The following PLPP1 variants were observed in gnomAD, a reference collection of about 807,000 sequenced individuals.
PLPP1 encodes lipid phosphate phosphohydrolase 1a.
Under a neutral mutation model 31.2 loss-of-function variants are expected in PLPP1, and 24 were observed. The ratio of observed to expected loss-of-function variants is 0.77; its 90% CI spans 0.56 to 1.08. The LOEUF is 1.08. Among genes scored for constraint, PLPP1 ranks in the 50% least tolerant of loss-of-function variants. The pLI is 0.00. For synonymous variants in PLPP1, 146 were observed against 126.3 expected (o/e 1.16, Z -1.05); for missense variants, 319 against 342.7 (o/e 0.93, Z 0.55).
intron 1 of PLPP1, among the ~76,000 whole-genome samples, chr5:55,523,780 G>C (rs978628928): frequency 6.6e-6 from 1 of 151,962 alleles, no homozygotes; most frequent in African/African-American, 2.4e-5. Flanking sequence ...CCTATGCTTG[G>C]AATTTTCCCC....
intron 5 of PLPP1, 93 bp downstream of exon 5, chr5:55,425,770 C>T: frequency 9.0e-6 from 11 of 1,224,216 alleles, no homozygotes; most frequent in Non-Finnish European, 1.0e-5. Context: ...ATAGTCTTCT[C>T]CTCAGCTGGG....
chr5:55,530,632 A>G, intron 1 of PLPP1: 1 of 1,585,862 alleles, frequency 6.3e-7, no homozygotes. Context: ...TTTGCACAGC[A>G]TCTGCAGCTA....
intron 1 of PLPP1, among the ~76,000 whole-genome samples, chr5:55,496,723 T>A (rs1304451818): frequency 6.6e-6 from 1 of 152,214 alleles, no homozygotes; most frequent in African/African-American, 2.4e-5. Flanking sequence ...ATGTCTGCTC[T>A]TAGTGCACTA....
chr5:55,476,212 T>C (rs1370743465), intron 1 of PLPP1, among the ~76,000 whole-genome samples: 2 of 151,940 alleles, frequency 1.3e-5, no homozygotes, highest in Non-Finnish European at 2.9e-5. Flanking sequence ...AGACGAGGTC[T>C]AGCTATGTTG....
At chr5:55,443,071 G>T (rs1309652293) in intron 3 of PLPP1, among the ~76,000 whole-genome samples, 1 of 150,934 alleles carries the variant, frequency 6.6e-6, no homozygotes, top group African/African-American at 2.4e-5. Context: ...TAAGGGAGAC[G>T]TTGGTTCCCT....
chr5:55,509,304 G>C (rs1753353311), intron 1 of PLPP1, among the ~76,000 whole-genome samples: 3 of 152,190 alleles, frequency 2.0e-5, no homozygotes, highest in Admixed American at 2.0e-4. Context: ...AGGTATCAGT[G>C]ATAGCACTGT....
At chr5:55,463,430 G>A (rs1471727891) in intron 3 of PLPP1, among the ~76,000 whole-genome samples, 1 of 152,152 alleles carries the variant, frequency 6.6e-6, no homozygotes. Flanking sequence ...GGGAGGCTGA[G>A]GCGAGTAGAT....
chr5:55,463,834 T>A (rs1401233510), intron 3 of PLPP1, among the ~76,000 whole-genome samples: 1 of 144,702 alleles, frequency 6.9e-6, no homozygotes, highest in African/African-American at 2.6e-5. Context: ...AATAAATAAA[T>A]AAGAAAATAC....
At chr5:55,499,063 A>T (rs964563816) in intron 1 of PLPP1, among the ~76,000 whole-genome samples, 3 of 152,354 alleles carry the variant, frequency 2.0e-5, no homozygotes, top group African/African-American at 7.2e-5. Context: ...AACTCCCTGC[A>T]GGAAAGTAGA....
chr5:55,460,880 T>C (rs921740977), intron 3 of PLPP1, among the ~76,000 whole-genome samples: 4 of 152,082 alleles, frequency 2.6e-5, no homozygotes, highest in African/African-American at 9.7e-5. Context: ...TGAATATAAA[T>C]ATTTTTTAAA....
At chr5:55,493,659 G>A (rs1034147584) in intron 1 of PLPP1, among the ~76,000 whole-genome samples, 7 of 152,060 alleles carry the variant, frequency 4.6e-5, no homozygotes, top group Middle Eastern at 3.4e-3. Context: ...AAGCCGAGGC[G>A]GGTGGATCAC....
chr5:55,463,780 C>CATAA (rs58202815), intron 3 of PLPP1, among the ~76,000 whole-genome samples: 4,613 of 131,330 alleles, frequency 0.035, 98 homozygotes, highest in African/African-American at 0.06. Context: ...GACCCTGTCC[C>CATAA]ATAAATAAAT....
chr5:55,431,643 A>T (rs1751351402), intron 4 of PLPP1, among the ~76,000 whole-genome samples: 1 of 152,196 alleles, frequency 6.6e-6, no homozygotes, highest in Non-Finnish European at 1.5e-5. Context: ...ATACCAATAA[A>T]CGCCCACATC....
At chr5:55,490,888 C>T (rs1440312714) in intron 1 of PLPP1, 50 of 1,473,528 alleles carry the variant, frequency 3.4e-5, no homozygotes, top group African/African-American at 4.2e-5. Flanking sequence ...GATTTACCCC[C>T]GCCCCAACTC....
At chr5:55,489,994 TAATATCCCAAGTGGCA>T (rs1256774358) in intron 1 of PLPP1, among the ~76,000 whole-genome samples, 1 of 152,162 alleles carries the variant, frequency 6.6e-6, no homozygotes, top group African/African-American at 2.4e-5. Flanking sequence ...AAAGTAGGCA[TAATATCCCAAGTGGCA>T]ATCTTAACCT....
chr5:55,438,876 G>T (rs1751557054), intron 4 of PLPP1, among the ~76,000 whole-genome samples: 1 of 151,638 alleles, frequency 6.6e-6, no homozygotes, highest in Admixed American at 6.6e-5. Flanking sequence ...ACTCCAGCCT[G>T]GGTGAGAGAG....
In PLPP1 at chr5:55,530,834, C is replaced by CGGGGCAGTAGGATGTG. The variant is rs1561260760; in HGVS notation, c.58+3722_58+3737dup. The CGGGGCAGTAGGATGTG allele has an allele frequency of 2.4e-6, 3 of 1,262,272 alleles. No individual in the cohort carries two copies. In the African/African-American group the frequency reaches 4.4e-5, roughly 19 times the overall value. 78.2% of individuals were successfully genotyped at this position (1,262,272 alleles called of 1,614,324 possible). ...GGCGTTTTGAGCACCTCCTGACAGA[C>CGGGGCAGTAGGATGTG]GGGGCAGTAGGATGTGGCCGCGGAG... On this transcript the variant is annotated intron_variant, in intron 1 of 5. Coordinates refer to ENST00000307259, the MANE Select transcript of PLPP1 (RefSeq NM_003711.4).
intron 1 of PLPP1, among the ~76,000 whole-genome samples, chr5:55,483,058 A>G (rs1463255921): frequency 6.6e-6 from 1 of 152,174 alleles, no homozygotes; most frequent in Non-Finnish European, 1.5e-5. Context: ...ACAACAATTC[A>G]ACCCAAAAAA....
chr5:55,462,393 GT>G lies in PLPP1; in HGVS notation c.491+5475del, dbSNP rs367591312. ...TGCCAACATAATTCAATGTGAAAAT[GT>G]TTTTTTTCGGTCAATAAATAATGTT... On this transcript the variant is annotated intron_variant, in intron 3 of 5. Coordinates refer to ENST00000307259, the MANE Select transcript of PLPP1 (RefSeq NM_003711.4). Among the ~76,000 whole-genome samples, 206 of 151,940 alleles carry G rather than the reference GT, an allele frequency of 1.4e-3. 2 individuals are homozygous for G. In the Middle Eastern group the frequency reaches 0.024, roughly 18 times the overall value.
Sources: allele counts gnomAD v4.1 joint callset (sites outside exome capture counted in the v4.1 genomes callset), GRCh38; gene constraint gnomAD v4.1.1; transcripts MANE v1.5; gene names NCBI Gene and HGNC (gene_info 2026-07-23, HGNC 2026-07-21).